Variants in DNAJC16 observed in about 807,000 individuals in gnomAD.
DNAJC16 encodes the protein DnaJ heat shock protein family (Hsp40) member C16.
A neutral mutation model predicts 92.7 loss-of-function variants in DNAJC16; 76 were observed. That is an observed-to-expected ratio of 0.82 (90% CI 0.68 to 0.99). The LOEUF is 0.99. DNAJC16 is among the 50% of genes least tolerant of loss of function. DNAJC16 has a pLI of 0.00. For missense variants in DNAJC16, 869 were observed against 942.4 expected (o/e 0.92, Z 1.02); for synonymous variants, 328 against 358.7 (o/e 0.91, Z 0.97).
At chr1:15,566,386 AGGC>A in intron 13 of DNAJC16, 1 of 551,866 alleles carries the variant, frequency 1.8e-6, no homozygotes, top group Non-Finnish European at 3.2e-6. Context: ...TTCATAATGA[AGGC>A]AGAAGGAAAG....
Position 15,544,511 on chromosome 1 carries a change from C to T in DNAJC16, c.687C>T (p.Phe229=), listed in dbSNP as rs754100961. ...TCATTAACGGGAAAATCTCCTTCTT[C>T]CACAATGCAGTTGTCCGTGAAAATC... ...LGIINGKISF[F]HNAVVRENLR... is the part of the protein sequence containing the mutation. Residue 229 remains phenylalanine, a synonymous_variant, in exon 5 of 15, where the codon TTC becomes TTT. Coordinates refer to ENST00000375847, the MANE Select transcript of DNAJC16 (RefSeq NM_015291.4). 9 of 1,614,162 alleles carry T rather than the reference C, an allele frequency of 5.6e-6. No homozygotes were observed. The South Asian group carries it at 9.9e-5, about 18-fold the overall frequency.
intron 6 of DNAJC16, among the ~76,000 whole-genome samples, chr1:15,548,035 C>T (rs766643666): frequency 7.2e-5 from 11 of 152,060 alleles, no homozygotes; most frequent in Non-Finnish European, 1.5e-4. Flanking sequence ...TCAAGAAGAT[C>T]GTTATTTTGC....
chr1:15,562,790 A>G (rs1638719408), intron 9 of DNAJC16, among the ~76,000 whole-genome samples: 1 of 151,414 alleles, frequency 6.6e-6, no homozygotes, highest in Admixed American at 6.6e-5. Flanking sequence ...CCTAAAGCCT[A>G]CTCTTAAAAC....
intron 7 of DNAJC16, among the ~76,000 whole-genome samples, chr1:15,556,025 G>A (rs1638563102): frequency 1.3e-5 from 2 of 150,630 alleles, no homozygotes; most frequent in African/African-American, 2.4e-5. Context: ...AAAGGGAGCC[G>A]GGTGCAGTGG....
In DNAJC16 at chr1:15,544,544, A is replaced by G. The variant is rs770731904; in HGVS notation, c.720A>G (p.Gln240=). 11 of 1,614,042 alleles carry G rather than the reference A, an allele frequency of 6.8e-6. No individual in the cohort carries two copies. The Admixed American group carries it at 1.8e-4, about 27-fold the overall frequency. ...HNAVVRENLR[Q]FVESLLPGNL... The stretch of plus-strand genomic sequence containing the variant: ...CAGTTGTCCGTGAAAATCTGCGACA[A>G]TTTGTAGAAAGTCTTCTTCCAGGGA... The change falls in exon 5 of 15, where the codon CAA becomes CAG. Residue 240 remains glutamine, a synonymous_variant. Coordinates refer to ENST00000375847, the MANE Select transcript of DNAJC16 (RefSeq NM_015291.4).
chr1:15,530,812 C>T (rs941339258), intron 2 of DNAJC16, among the ~76,000 whole-genome samples: 29 of 152,170 alleles, frequency 1.9e-4, no homozygotes, highest in African/African-American at 6.5e-4. Flanking sequence ...CTCAGCCTCC[C>T]AAGTAGCTGG....
intron 6 of DNAJC16, 44 bp downstream of exon 6, chr1:15,546,915 C>CTTT (rs76961003): frequency 9.4e-4 from 854 of 906,062 alleles, no homozygotes; most frequent in South Asian, 1.7e-3. Flanking sequence ...CTTTTCTTTT[C>CTTT]TTTTTTTTTT....
At chr1:15,533,484 G>A (rs1166322603) in intron 2 of DNAJC16, among the ~76,000 whole-genome samples, 6 of 152,168 alleles carry the variant, frequency 3.9e-5, no homozygotes, top group South Asian at 2.1e-4. Context: ...AAAATTAGCC[G>A]GGTGATAGTG....
chr1:15,534,427 A>T, intron 3 of DNAJC16, 124 bp downstream of exon 3: 1 of 992,554 alleles, frequency 1.0e-6, no homozygotes, highest in Non-Finnish European at 1.5e-6. Context: ...TTTCTAGATT[A>T]TAATAGAGAG....
At position 15,529,080 on chromosome 1, in the gene DNAJC16, C is replaced by G; in HGVS notation, c.-18-8C>G. The G allele has an allele frequency of 1.2e-6, 2 of 1,609,612 alleles. No individual in the cohort carries two copies. The highest frequency in any genetic ancestry group is 1.7e-6 in the Non-Finnish European group (2 of 1,177,658). On this transcript the variant is annotated splice_polypyrimidine_tract_variant and splice_region_variant and intron_variant, in intron 1 of 14. Coordinates refer to ENST00000375847, the MANE Select transcript of DNAJC16 (RefSeq NM_015291.4). ...CACTGAAACTCATTGCCTCTTCAAT[C>G]ATTTCAGCTCTGGAAAGGAAGAGAA...
intron 4 of DNAJC16, among the ~76,000 whole-genome samples, chr1:15,540,653 T>C (rs1232829176): frequency 6.6e-6 from 1 of 152,044 alleles, no homozygotes; most frequent in Admixed American, 6.6e-5. Context: ...TGAAGGCTGG[T>C]CTTAAACTCC....
chr1:15,552,229 T>C (rs569883895), intron 7 of DNAJC16, among the ~76,000 whole-genome samples: 31 of 151,792 alleles, frequency 2.0e-4, no homozygotes, highest in Admixed American at 5.3e-4. Flanking sequence ...GACTCAAGCC[T>C]GTAATCCCAG....
chr1:15,553,195 C>A (rs776611877), intron 7 of DNAJC16, among the ~76,000 whole-genome samples: 1 of 151,632 alleles, frequency 6.6e-6, no homozygotes, highest in Non-Finnish European at 1.5e-5. Context: ...TGTTTATCTC[C>A]GTGGCAAATA....
At chr1:15,538,661 G>T (rs1315662224) in intron 4 of DNAJC16, among the ~76,000 whole-genome samples, 1 of 152,154 alleles carries the variant, frequency 6.6e-6, no homozygotes, top group African/African-American at 2.4e-5. Flanking sequence ...AGGTTGCTGT[G>T]AGCTGAGATC....
intron 3 of DNAJC16, 55 bp downstream of exon 3, chr1:15,534,358 G>A: frequency 6.4e-7 from 1 of 1,572,954 alleles, no homozygotes; most frequent in South Asian, 1.1e-5. Context: ...TATGCCTTAG[G>A]AGGTGATGAG....
At chr1:15,544,218 C>T (rs1421492198) in intron 4 of DNAJC16, among the ~76,000 whole-genome samples, 181 bp from the exon 5 acceptor site, 1 of 139,622 alleles carries the variant, frequency 7.2e-6, no homozygotes, top group East Asian at 2.0e-4. Flanking sequence ...TGCCAGATTG[C>T]TCTACAGAAA....
Position 15,546,847 on chromosome 1 carries a change from G to T in DNAJC16, c.840G>T (p.Thr280=). ...CTCATGTCCTTCTGTTTGACCAAAC[G>T]CCCATTGTGCCACTGTTATACAAGG... is the stretch of plus-strand genomic sequence containing the variant. ...NKPHVLLFDQ[T]PIVPLLYKLT... is the part of the protein sequence containing the mutation. The change falls in exon 6 of 15, where the codon ACG becomes ACT. Residue 280 remains threonine, a synonymous_variant. Transcript: ENST00000375847. 1 of 1,612,726 alleles carries T rather than the reference G, an allele frequency of 6.2e-7. No homozygotes were observed. The highest frequency in any genetic ancestry group is 8.5e-7 in the Non-Finnish European group (1 of 1,179,580).
chr1:15,546,735 TA>T (rs1397763917), intron 5 of DNAJC16, 31 bp from the exon 6 acceptor site: 1 of 1,506,398 alleles, frequency 6.6e-7, no homozygotes, highest in Admixed American at 1.7e-5. Flanking sequence ...AAGAATTAAA[TA>T]TTGAGACTAA....
At chr1:15,536,377 G>C in intron 3 of DNAJC16, 98 bp from the exon 4 acceptor site, 1 of 1,021,348 alleles carries the variant, frequency 9.8e-7, no homozygotes, top group Non-Finnish European at 1.4e-6. Flanking sequence ...ACCACGACTG[G>C]CTGCATTTAT....
Sources: gnomAD v4.1 joint callset for allele counts (sites outside exome capture counted in the v4.1 genomes callset) on GRCh38, gnomAD v4.1.1 for gene constraint, MANE v1.5 for transcripts, NCBI Gene and HGNC (gene_info 2026-07-23, HGNC 2026-07-21) for gene names.